C14orf39: variants seen among roughly 807,000 people sequenced by gnomAD.
C14orf39 encodes the protein chromosome 14 open reading frame 39.
C14orf39 carries 66 observed loss-of-function variants against 85.6 expected under a neutral mutation model. The ratio of observed to expected loss-of-function variants is 0.77; its 90% confidence interval spans 0.63 to 0.95. The LOEUF (loss-of-function observed/expected upper bound fraction) is 0.95. Among genes scored for constraint, C14orf39 ranks in the 40% least tolerant of loss-of-function variants. The pLI is 0.00. For missense variants in C14orf39, 735 were observed against 663.9 expected, an observed-to-expected ratio of 1.11 and a Z score of -1.18; for synonymous variants, 242 against 214.0, an observed-to-expected ratio of 1.13 and a Z score of -1.14.
chr14:60,474,332 C>T (rs1892259192), intron 5 of C14orf39, among the ~76,000 whole-genome samples: 1 of 151,468 alleles, frequency 6.6e-6, no homozygotes, highest in South Asian at 2.1e-4. Context: ...GATATACAAT[C>T]ATGTCATCTG....
At chr14:60,474,915 T>C (rs981753482) in intron 5 of C14orf39, among the ~76,000 whole-genome samples, 1 of 152,232 alleles carries the variant, frequency 6.6e-6, no homozygotes, top group Non-Finnish European at 1.5e-5. Flanking sequence ...GCTGGCCTCA[T>C]AAAATGAGTT....
chr14:60,485,223 C>T, intron 1 of C14orf39, 137 bp from the exon 2 acceptor site: 2 of 707,512 alleles, frequency 2.8e-6, no homozygotes, highest in Middle Eastern at 4.0e-4. Flanking sequence ...GACGAGAGGC[C>T]CCCTTGAGCC....
At chr14:60,505,619 G>T (rs1893192753) in intron 1 of C14orf39, among the ~76,000 whole-genome samples, 1 of 152,160 alleles carries the variant, frequency 6.6e-6, no homozygotes, top group Non-Finnish European at 1.5e-5. Context: ...TCCAGTCTGT[G>T]ACTCTCAGAT....
chr14:60,465,235 G>C (rs1304680367), intron 11 of C14orf39, among the ~76,000 whole-genome samples: 2 of 152,064 alleles, frequency 1.3e-5, no homozygotes, highest in African/African-American at 2.4e-5. Context: ...ATTTACACTT[G>C]AGTTTCACTA....
In C14orf39 at chr14:60,491,585, C is replaced by T. The variant is rs74490905; in HGVS notation, c.-8-6499G>A. 6.6e-6 allele frequency among the ~76,000 whole-genome samples: 1 copy of T among 152,284 alleles called. No individual in the cohort carries two copies. Among genetic ancestry groups the T allele is most frequent in the African/African-American group, 2.4e-5 (1 of 41,562 alleles). ...CCTAGACCGTGACAACCTTCCTCTCCTATCATCCCCCACATCAAATCCATC... is the reference window on the plus strand; with the variant it reads ...CCTAGACCGTGACAACCTTCCTCTCTTATCATCCCCCACATCAAATCCATC... On this transcript the variant is annotated intron_variant, in intron 2 of 5. Coordinates refer to the C14orf39 transcript ENST00000556799. The surrounding 1 kb of genome is among the most constrained non-coding windows in gnomAD (Gnocchi z 4.5).
At chr14:60,495,215 G>A (rs1378331189) in intron 2 of C14orf39, 9 of 202,580 alleles carry the variant, frequency 4.4e-5, no homozygotes, top group Admixed American at 4.7e-5. Flanking sequence ...TGGCAAATGC[G>A]ACATTCATTG....
intron 5 of C14orf39, among the ~76,000 whole-genome samples, chr14:60,472,414 T>G (rs1254397695): frequency 6.6e-6 from 1 of 152,166 alleles, no homozygotes; most frequent in Non-Finnish European, 1.5e-5. Context: ...TTCTTTTTTA[T>G]TATACTTTTA....
In C14orf39 at chr14:60,471,757, AATG is replaced by A. The variant is rs753486581; in HGVS notation, c.324-21_324-19del. 18 of 1,405,408 alleles carry A rather than the reference AATG, an allele frequency of 1.3e-5. No homozygotes were observed. Among genetic ancestry groups the A allele is most frequent in the Non-Finnish European group, 1.8e-5 (18 of 1,027,826 alleles). 87.1% of individuals were successfully genotyped at this position (1,405,408 alleles called of 1,614,324 possible). On this transcript the variant is annotated intron_variant, in intron 5 of 17. Coordinates refer to ENST00000321731, the MANE Select transcript of C14orf39 (RefSeq NM_174978.3). ...ACATTTCTCTGTTAAAATTAAAAGA[AATG>A]ATGTTTATATAACAACAACAGATCT...
chr14:60,451,402 C>T (rs538970260), intron 16 of C14orf39, among the ~76,000 whole-genome samples: 25 of 152,056 alleles, frequency 1.6e-4, no homozygotes, highest in Admixed American at 3.3e-4. Context: ...ATGTTTATTG[C>T]GGCACTATTC....
At chr14:60,512,074 C>T (rs1441969996) in intron 1 of C14orf39, 1 of 151,024 alleles carries the variant, frequency 6.6e-6, no homozygotes, top group Non-Finnish European at 1.5e-5. Flanking sequence ...TATGCATACA[C>T]GTGATATATT....
intron 4 of C14orf39, among the ~76,000 whole-genome samples, chr14:60,482,764 T>C (rs1199448615): frequency 6.6e-6 from 1 of 152,156 alleles, no homozygotes; most frequent in Admixed American, 6.5e-5. Context: ...GAATGAAATA[T>C]ATATAAAATT....
At chr14:60,477,281 A>G (rs1041524173) in intron 5 of C14orf39, among the ~76,000 whole-genome samples, 10 of 152,018 alleles carry the variant, frequency 6.6e-5, no homozygotes, top group Non-Finnish European at 1.3e-4. Flanking sequence ...AATGAAGTCT[A>G]TATCTATAAC....
intron 5 of C14orf39, among the ~76,000 whole-genome samples, chr14:60,477,562 T>C (rs1286229716): frequency 2.0e-5 from 3 of 152,216 alleles, no homozygotes; most frequent in Admixed American, 1.3e-4. Flanking sequence ...CATACAATTA[T>C]TGGTGTTTCT....
chr14:60,505,523 A>T (rs985943202), intron 1 of C14orf39, among the ~76,000 whole-genome samples: 6 of 152,236 alleles, frequency 3.9e-5, no homozygotes, highest in Non-Finnish European at 7.3e-5. Context: ...TGTCACCACC[A>T]ACACTCGGCT....
chr14:60,511,382 C>T lies in C14orf39; in HGVS notation c.-144+4013G>A, dbSNP rs1478882548. ...AGCCAGGTGACCAGGGACCCGCGGG[C>T]TCGGGTTGCCGTTTCCCGCCCCACC... On this transcript the variant is annotated intron_variant, in intron 1 of 5. Coordinates refer to the C14orf39 transcript ENST00000556799. 4.3e-6 allele frequency: 5 copies of T among 1,163,062 alleles called. No homozygotes were observed. In the South Asian group the frequency reaches 5.2e-5, roughly 12 times the overall value. 72.0% of individuals were successfully genotyped at this position (1,163,062 alleles called of 1,614,324 possible). A position where few individuals can be genotyped will look rare whatever the true frequency, so the allele number is the denominator to read the frequency against.
rs894898119 is a variant in C14orf39, at chr14:60,447,031, G to C, written c.1504-4900C>G. 5.3e-5 allele frequency among the ~76,000 whole-genome samples: 8 copies of C among 152,202 alleles called. No homozygotes were observed. In the South Asian group the frequency reaches 1.2e-3, roughly 24 times the overall value. ...AAGCTAAAAACTCTCAATAAACTAG[G>C]TATTGATGGAACGTATCTCAAAATA... is the stretch of plus-strand genomic sequence containing the variant. On this transcript the variant is annotated intron_variant, in intron 16 of 17. Transcript: ENST00000321731.
At chr14:60,506,828 C>T (rs987231025) in intron 1 of C14orf39, among the ~76,000 whole-genome samples, 8 of 152,186 alleles carry the variant, frequency 5.3e-5, no homozygotes, top group African/African-American at 1.9e-4. Context: ...GAAGCTAAAG[C>T]GCCCTCATCT....
rs1892994917 is a variant in C14orf39, at chr14:60,491,872, T to C, written c.-8-6786A>G. Among the ~76,000 whole-genome samples, 2 of 152,118 alleles carry C rather than the reference T, an allele frequency of 1.3e-5. No homozygotes were observed. The highest frequency in any genetic ancestry group is 4.8e-5 in the African/African-American group (2 of 41,408). On this transcript the variant is annotated intron_variant, in intron 2 of 5. Coordinates refer to the C14orf39 transcript ENST00000556799. The surrounding 1 kb of genome is among the most constrained non-coding windows in gnomAD (Gnocchi z 4.5). ...ACATCCCTATGTTAAAGCATGTTAA[T>C]GACTTCCTATCATTCTAAGAATAAG...
chr14:60,440,053 C>T (rs1003097562), intron 17 of C14orf39, among the ~76,000 whole-genome samples: 2 of 151,846 alleles, frequency 1.3e-5, no homozygotes, highest in African/African-American at 4.8e-5. Flanking sequence ...CCAGCCTGGG[C>T]AACAAGAGCG....
Sources: gnomAD v4.1 joint callset for allele counts (sites outside exome capture counted in the v4.1 genomes callset) on GRCh38, gnomAD v4.1.1 for gene constraint, Gnocchi (gnomAD v3.1) non-coding constraint, MANE v1.5 for transcripts, NCBI Gene and HGNC (gene_info 2026-07-23, HGNC 2026-07-21) for gene names.